CECR2: variants seen among roughly 807,000 people sequenced by gnomAD.
CECR2 encodes CECR2 histone acetyl-lysine reader.
Under a neutral mutation model 154.5 loss-of-function variants are expected in CECR2, and 30 were observed. That is an observed-to-expected ratio of 0.19 (90% CI 0.15 to 0.26). The LOEUF (loss-of-function observed/expected upper bound fraction) is 0.26. Ranked by LOEUF, CECR2 falls within the 10% of genes least tolerant of loss-of-function variation. CECR2 has a pLI of 1.00. For missense variants in CECR2, 1,743 were observed against 1,829.3 expected (o/e 0.95, Z 0.86); for synonymous variants, 725 against 683.7 (o/e 1.06, Z -0.94).
intron 1 of CECR2, among the ~76,000 whole-genome samples, chr22:17,390,649 TG>T (rs1353581881): frequency 1.3e-5 from 2 of 151,972 alleles, no homozygotes; most frequent in African/African-American, 4.8e-5. Flanking sequence ...TGTTTTGTTT[TG>T]TTTTTTGAGA....
At chr22:17,434,996 C>T (rs1438009415) in intron 1 of CECR2, among the ~76,000 whole-genome samples, 1 of 152,142 alleles carries the variant, frequency 6.6e-6, no homozygotes, top group East Asian at 1.9e-4. Flanking sequence ...ACTCAGAAGC[C>T]TGCAGGGCCA....
At chr22:17,474,295 A>G (rs760277044) in intron 1 of CECR2, among the ~76,000 whole-genome samples, 11 of 152,158 alleles carry the variant, frequency 7.2e-5, no homozygotes, top group Non-Finnish European at 1.3e-4. Flanking sequence ...TTAAAAAGCA[A>G]TTTTACATGT....
intron 1 of CECR2, among the ~76,000 whole-genome samples, chr22:17,388,442 C>T (rs947477283): frequency 2.6e-5 from 4 of 152,106 alleles, no homozygotes; most frequent in East Asian, 3.9e-4. Flanking sequence ...TACCCAAGGC[C>T]GCATGCCCAG....
At chr22:17,395,075 C>G (rs929146492) in intron 1 of CECR2, among the ~76,000 whole-genome samples, 1 of 152,290 alleles carries the variant, frequency 6.6e-6, no homozygotes, top group Non-Finnish European at 1.5e-5. Context: ...TGTATCTAAC[C>G]CCAGTGTTGC....
At chr22:17,413,370 C>T (rs1305475990) in intron 1 of CECR2, among the ~76,000 whole-genome samples, 1 of 152,128 alleles carries the variant, frequency 6.6e-6, no homozygotes, top group Non-Finnish European at 1.5e-5. Flanking sequence ...GTTTTGGTTG[C>T]TTTTAATTGT....
intron 8 of CECR2, among the ~76,000 whole-genome samples, chr22:17,516,350 A>C (rs2056055722): frequency 6.6e-6 from 1 of 152,152 alleles, no homozygotes; most frequent in Non-Finnish European, 1.5e-5. Context: ...CTGTGTGTAC[A>C]CATGGATGGC....
At chr22:17,492,359 T>C (rs2055547230) in intron 2 of CECR2, among the ~76,000 whole-genome samples, 1 of 152,122 alleles carries the variant, frequency 6.6e-6, no homozygotes, top group South Asian at 2.1e-4. Context: ...ATATTAACAA[T>C]GTGTTGTCCT....
intron 1 of CECR2, among the ~76,000 whole-genome samples, chr22:17,387,461 G>C (rs767459084): frequency 1.2e-4 from 19 of 152,196 alleles, no homozygotes; most frequent in Non-Finnish European, 2.8e-4. Context: ...GAATCTTACA[G>C]ATGAGGAAGC....
chr22:17,396,150 G>T (rs2053806326), intron 1 of CECR2, among the ~76,000 whole-genome samples: 1 of 151,412 alleles, frequency 6.6e-6, no homozygotes, highest in Non-Finnish European at 1.5e-5. Flanking sequence ...GGTGAGGTGG[G>T]AGGATTGCTT....
chr22:17,447,963 G>T (rs1437840725), intron 1 of CECR2, among the ~76,000 whole-genome samples: 1 of 151,996 alleles, frequency 6.6e-6, no homozygotes, highest in Non-Finnish European at 1.5e-5. Flanking sequence ...AACAGGTACA[G>T]GTCCATTAGA....
At chr22:17,443,074 C>G (rs1346595022) in intron 1 of CECR2, among the ~76,000 whole-genome samples, 4 of 152,156 alleles carry the variant, frequency 2.6e-5, no homozygotes, top group Non-Finnish European at 4.4e-5. Context: ...GTGGTATGTC[C>G]TGGTGTGTTT....
intron 1 of CECR2, among the ~76,000 whole-genome samples, chr22:17,397,793 G>A (rs1248066269): frequency 6.6e-6 from 1 of 152,156 alleles, no homozygotes; most frequent in African/African-American, 2.4e-5. Flanking sequence ...CACCGTGCCC[G>A]GCTAACACAA....
intron 1 of CECR2, among the ~76,000 whole-genome samples, chr22:17,454,785 A>C (rs530938021): frequency 6.6e-6 from 1 of 152,176 alleles, no homozygotes; most frequent in East Asian, 1.9e-4. Context: ...AATTTTAAGC[A>C]TACCAATCTG....
intron 3 of CECR2, among the ~76,000 whole-genome samples, chr22:17,498,525 G>A (rs534002308): frequency 6.6e-6 from 1 of 152,282 alleles, no homozygotes; most frequent in East Asian, 1.9e-4. Context: ...CTCTGGTTAT[G>A]GGCACATTAT....
intron 1 of CECR2, among the ~76,000 whole-genome samples, chr22:17,450,269 ATTAAC>A (rs2054747324): frequency 6.6e-6 from 1 of 152,098 alleles, no homozygotes. Context: ...AAAGTAATAT[ATTAAC>A]TTTTTGTTGT....
chr22:17,480,419 TACACACACACACACACAC>T (rs55977287), intron 2 of CECR2, among the ~76,000 whole-genome samples: 7 of 137,340 alleles, frequency 5.1e-5, no homozygotes, highest in African/African-American at 1.6e-4. Flanking sequence ...TCATGTATAA[TACACACACACACACACAC>T]ACACACACAC....
intron 1 of CECR2, among the ~76,000 whole-genome samples, chr22:17,410,776 T>C (rs1276667480): frequency 1.3e-5 from 2 of 152,208 alleles, no homozygotes; most frequent in African/African-American, 2.4e-5. Context: ...AGAAATGTTT[T>C]TCCTTGCCAG....
chr22:17,536,040 C>T (rs1229404791), intron 9 of CECR2, among the ~76,000 whole-genome samples: 1 of 151,952 alleles, frequency 6.6e-6, no homozygotes, highest in African/African-American at 2.4e-5. Flanking sequence ...CCTGAGGTCA[C>T]GAGTTCGAGA....
At position 17,369,586 on chromosome 22, in the gene CECR2, G is replaced by T; in HGVS notation, c.-198G>T. 6.8e-6 allele frequency: 1 copy of T among 147,146 alleles called. No homozygotes were observed. The highest frequency in any genetic ancestry group is 1.9e-4 in the South Asian group (1 of 5,160). 9.1% of individuals were successfully genotyped at this position (147,146 alleles called of 1,614,324 possible). ...GCAGCCGCAGCCGCCTCAGTAGTTCGGGCCCCCGCGCCGCCGCCCCCCGCC... is the reference window on the plus strand; with the variant it reads ...GCAGCCGCAGCCGCCTCAGTAGTTCTGGCCCCCGCGCCGCCGCCCCCCGCC... On this transcript the variant is annotated 5_prime_UTR_variant, in exon 1 of 19. Transcript: ENST00000262608.
Sources: gnomAD v4.1 joint callset for allele counts (sites outside exome capture counted in the v4.1 genomes callset) on GRCh38, gnomAD v4.1.1 for gene constraint, MANE v1.5 for transcripts, NCBI Gene and HGNC (gene_info 2026-07-23, HGNC 2026-07-21) for gene names.